Variants in POLA1 observed in about 807,000 individuals in gnomAD.
POLA1 encodes DNA polymerase alpha catalytic subunit.
In POLA1, 15 loss-of-function variants were observed where a neutral mutation model predicts 124.0. That is an observed-to-expected ratio of 0.12 (90% CI 0.08 to 0.19). POLA1 has a LOEUF of 0.19. POLA1 is among the 10% of genes least tolerant of loss of function. The pLI is 1.00. For synonymous variants in POLA1, 408 were observed against 389.4 expected (o/e 1.05, Z -0.56); for missense variants, 886 against 1,103.4 (o/e 0.80, Z 2.79).
chrX:24,812,666 T>C lies in POLA1; in HGVS notation c.3099T>C (p.Ser1033=). Residue 1033 remains serine, a synonymous_variant, in exon 29 of 37, where the codon AGT becomes AGC. Transcript: ENST00000379068. ...ATTTGAAATTTTCACAGGTAAAAAG[T>C]GAAGTGAATAAGTTGTACAAACTGC... ...EVFKLGNKVK[S]EVNKLYKLLE... The C allele has an allele frequency of 8.6e-7, 1 of 1,168,626 alleles. No homozygotes were observed. Among genetic ancestry groups the C allele is most frequent in the Non-Finnish European group, 1.2e-6 (1 of 859,682 alleles).
intron 35 of POLA1, among the ~76,000 whole-genome samples, chrX:24,919,808 G>GTTTTTTTTTTT (rs1195362180): frequency 4.9e-5 from 1 of 20,271 alleles, no homozygotes; most frequent in Non-Finnish European, 9.3e-5. Flanking sequence ...TTTTTTTTTT[G>GTTTTTTTTTTT]TTTTTTTTTT....
intron 1 of POLA1, 124 bp from the exon 2 acceptor site, chrX:24,699,301 C>T: frequency 2.2e-6 from 1 of 450,878 alleles, no homozygotes; most frequent in Non-Finnish European, 3.6e-6. Context: ...ACATTATAAA[C>T]ATTATCTACT....
At chrX:24,888,461 A>G (rs11573459) in intron 35 of POLA1, among the ~76,000 whole-genome samples, 261 of 111,081 alleles carry the variant, frequency 2.3e-3, no homozygotes, top group Non-Finnish European at 3.8e-3. Flanking sequence ...CATTTGTAAG[A>G]GCCAGAAATC....
chrX:24,947,887 T>C (rs2047987459), intron 36 of POLA1, among the ~76,000 whole-genome samples: 1 of 112,342 alleles, frequency 8.9e-6, no homozygotes, highest in Admixed American at 9.4e-5. Flanking sequence ...GAGTGTAACC[T>C]GCAAGATATA....
At chrX:24,710,002 G>C (rs1406725207) in intron 4 of POLA1, among the ~76,000 whole-genome samples, 1 of 98,897 alleles carries the variant, frequency 1.0e-5, no homozygotes, top group Non-Finnish European at 2.0e-5. Flanking sequence ...GCCGGGCAGA[G>C]GCTGCAATCT....
intron 26 of POLA1, among the ~76,000 whole-genome samples, chrX:24,793,144 G>T (rs2045538496): frequency 9.2e-6 from 1 of 108,716 alleles, no homozygotes; most frequent in Non-Finnish European, 1.9e-5. Flanking sequence ...GGGTGTGGTG[G>T]CAGGTGCCTA....
At chrX:24,863,687 G>C (rs7052306) in intron 34 of POLA1, among the ~76,000 whole-genome samples, 50,334 of 110,268 alleles carry the variant, frequency 0.46, 8,904 homozygotes, top group African/African-American at 0.67. Context: ...ATCTATCTTT[G>C]TGCCACTGTG....
Position 24,703,250 on chromosome X carries a change from G to T in POLA1, c.169-1G>T. Reference sequence around the variant, plus strand: ...TTTTCCTGAAACTTGTATAATGGTAGGTCGAGGACTTCACAGGTGTTTATG... The same window carrying T: ...TTTTCCTGAAACTTGTATAATGGTATGTCGAGGACTTCACAGGTGTTTATG... On this transcript the variant is annotated splice_acceptor_variant, in intron 2 of 36. Transcript: ENST00000379068. LOFTEE classifies it high-confidence loss of function. 1 of 1,185,058 alleles carries T rather than the reference G, an allele frequency of 8.4e-7. No individual in the cohort carries two copies.
At chrX:24,900,411 G>A (rs1283919746) in intron 35 of POLA1, among the ~76,000 whole-genome samples, 7 of 112,374 alleles carry the variant, frequency 6.2e-5, no homozygotes, top group Non-Finnish European at 1.3e-4. Context: ...TGGAAAGCCA[G>A]ACCTGGTTAA....
chrX:24,768,278 T>C (rs1239719050), intron 26 of POLA1, among the ~76,000 whole-genome samples: 1 of 112,545 alleles, frequency 8.9e-6, no homozygotes, highest in Non-Finnish European at 1.9e-5. Flanking sequence ...TGAATGGTCA[T>C]AGTTAATGTG....
At chrX:24,908,260 ATTATT>A (rs2047395478) in intron 35 of POLA1, among the ~76,000 whole-genome samples, 1 of 109,451 alleles carries the variant, frequency 9.1e-6, no homozygotes, top group Non-Finnish European at 1.9e-5. Flanking sequence ...TTTTTTTATT[ATTATT>A]TTAGGGTACA....
chrX:24,730,095 C>A (rs925081759), intron 15 of POLA1, among the ~76,000 whole-genome samples: 1 of 111,291 alleles, frequency 9.0e-6, no homozygotes, highest in Non-Finnish European at 1.9e-5. Flanking sequence ...CTGCACCCGG[C>A]GTGATCTTTT....
intron 15 of POLA1, among the ~76,000 whole-genome samples, chrX:24,728,402 G>A (rs945735188): frequency 3.6e-5 from 4 of 111,790 alleles, no homozygotes; most frequent in Admixed American, 2.8e-4. Context: ...AACATTAACA[G>A]TGACTCCTTG....
intron 26 of POLA1, among the ~76,000 whole-genome samples, chrX:24,799,552 C>T (rs1022900535): frequency 8.9e-6 from 1 of 112,321 alleles, no homozygotes; most frequent in African/African-American, 3.2e-5. Context: ...GCCTTCTTCT[C>T]AAATAGACAA....
intron 32 of POLA1, among the ~76,000 whole-genome samples, chrX:24,835,411 T>A (rs1452097295): frequency 9.0e-6 from 1 of 111,462 alleles, no homozygotes; most frequent in Non-Finnish European, 1.9e-5. Flanking sequence ...TATTATCACA[T>A]CACACCAAAA....
intron 35 of POLA1, among the ~76,000 whole-genome samples, chrX:24,924,072 G>T (rs1045492655): frequency 1.2e-4 from 13 of 111,999 alleles, no homozygotes; most frequent in African/African-American, 4.2e-4. Flanking sequence ...TCATGTTCAA[G>T]AGTTTAGACA....
intron 17 of POLA1, chrX:24,734,063 C>T (rs2148376886): frequency 4.5e-6 from 1 of 223,068 alleles, no homozygotes; most frequent in Non-Finnish European, 8.3e-6. Context: ...TAGGCTCAAA[C>T]CCCCCTCCAA....
intron 34 of POLA1, among the ~76,000 whole-genome samples, chrX:24,851,683 A>G (rs2046564168): frequency 8.8e-6 from 1 of 113,036 alleles, no homozygotes; most frequent in African/African-American, 3.2e-5. Context: ...ATGCCATAGG[A>G]GTTGTCAGAT....
In POLA1 at chrX:24,742,648, CT is replaced by C. The variant is rs762890379; in HGVS notation, c.2466+528del. ...TGAATGTTAGAATTTGATTCAGGTT[CT>C]CATATTTGCTTGTTTTTTAATGTAC... is the stretch of plus-strand genomic sequence containing the variant. On this transcript the variant is annotated intron_variant, in intron 22 of 36. Transcript: ENST00000379068. Among the ~76,000 whole-genome samples, 3 of 111,653 alleles carry C rather than the reference CT, an allele frequency of 2.7e-5. No homozygotes were observed. In the South Asian group the frequency reaches 1.1e-3, roughly 42 times the overall value.
Sources: allele counts gnomAD v4.1 joint callset (sites outside exome capture counted in the v4.1 genomes callset), GRCh38; gene constraint gnomAD v4.1.1; transcripts MANE v1.5; gene names NCBI Gene and HGNC (gene_info 2026-07-23, HGNC 2026-07-21).